Variants in DCHS2 observed in about 807,000 individuals in gnomAD.
DCHS2 encodes the protein dachsous cadherin-related 2.
DCHS2 carries 142 observed loss-of-function variants against 182.4 expected under a neutral mutation model. The ratio of observed to expected loss-of-function variants is 0.78; its 90% CI spans 0.68 to 0.89. The LOEUF is 0.89. Ranked by LOEUF, DCHS2 falls within the 40% of genes least tolerant of loss-of-function variation. The pLI is 0.00. For synonymous variants in DCHS2, 1,740 were observed against 1,663.3 expected (o/e 1.05, Z -1.12); for missense variants, 4,319 against 4,198.6 (o/e 1.03, Z -0.79).
Position 154,447,656 on chromosome 4 carries a change from A to T in DCHS2, c.2052+41648T>A, listed in dbSNP as rs114695746. On this transcript the variant is annotated intron_variant, in intron 1 of 19. Coordinates refer to ENST00000357232, the MANE Select transcript of DCHS2 (RefSeq NM_001358235.2). ...AATCACCTGGAAACTTTATACCATG[A>T]GGTATTCTCAAGAGGGCTTTAATAA... is the stretch of plus-strand genomic sequence containing the variant. 8.2e-3 allele frequency among the ~76,000 whole-genome samples: 1,242 copies of T among 152,296 alleles called. 19 individuals carry two copies. The highest frequency in any genetic ancestry group is 0.054 in the Middle Eastern group (16 of 294).
chr4:154,371,354 T>C (rs183124959), intron 2 of DCHS2, among the ~76,000 whole-genome samples: 1 of 152,222 alleles, frequency 6.6e-6, no homozygotes, highest in East Asian at 1.9e-4. Flanking sequence ...TGTCAGCTTG[T>C]GATTGGTGGA....
intron 14 of DCHS2, among the ~76,000 whole-genome samples, chr4:154,265,592 A>G (rs889089018): frequency 1.2e-4 from 19 of 152,222 alleles, no homozygotes; most frequent in Admixed American, 1.1e-3. Context: ...CAGCCTGGGC[A>G]ACAAAGTGAG....
intron 18 of DCHS2, among the ~76,000 whole-genome samples, chr4:154,239,670 G>C (rs1226426069): frequency 1.3e-5 from 2 of 151,840 alleles, no homozygotes; most frequent in African/African-American, 4.8e-5. Context: ...CACCACACCA[G>C]GCTAATTTTT....
chr4:154,288,450 C>T (rs1734507448), intron 13 of DCHS2, among the ~76,000 whole-genome samples: 1 of 152,036 alleles, frequency 6.6e-6, no homozygotes, highest in Non-Finnish European at 1.5e-5. Flanking sequence ...GAGAGATTGA[C>T]CCCAGTACAA....
At chr4:154,278,456 T>C (rs953218571) in intron 13 of DCHS2, among the ~76,000 whole-genome samples, 1 of 151,802 alleles carries the variant, frequency 6.6e-6, no homozygotes, top group Non-Finnish European at 1.5e-5. Context: ...AAAAGCTTAT[T>C]TGAAGAAACA....
intron 10 of DCHS2, among the ~76,000 whole-genome samples, chr4:154,313,875 G>A (rs555456110): frequency 1.3e-5 from 2 of 152,196 alleles, no homozygotes; most frequent in East Asian, 3.9e-4. Context: ...ATTCTCAGTT[G>A]GCATACCATA....
intron 10 of DCHS2, among the ~76,000 whole-genome samples, chr4:154,313,323 A>C (rs950340546): frequency 3.9e-5 from 6 of 152,092 alleles, no homozygotes; most frequent in Non-Finnish European, 5.9e-5. Context: ...CTTTTGATAC[A>C]AGAAGAAACT....
intron 1 of DCHS2, among the ~76,000 whole-genome samples, chr4:154,474,438 C>T (rs956734416): frequency 1.3e-5 from 2 of 152,156 alleles, no homozygotes; most frequent in Admixed American, 1.3e-4. Context: ...ATGCCCCTTC[C>T]TCAGGGGCAG....
At chr4:154,285,073 G>A (rs780960281) in intron 13 of DCHS2, among the ~76,000 whole-genome samples, 2 of 151,960 alleles carry the variant, frequency 1.3e-5, no homozygotes, top group South Asian at 2.1e-4. Flanking sequence ...GCAGAGTGCT[G>A]AGGCCCCCAT....
chr4:154,350,726 T>C (rs990280644), intron 3 of DCHS2, among the ~76,000 whole-genome samples: 3 of 152,226 alleles, frequency 2.0e-5, no homozygotes, highest in Non-Finnish European at 4.4e-5. Context: ...TTTTTTGCTA[T>C]CAATCTCATC....
Position 154,235,264 on chromosome 4 carries a change from C to T in DCHS2, c.9388G>A (p.Val3130Met), listed in dbSNP as rs1295853341. Residue 3130 changes from valine (V) to methionine (M), a missense_variant, in exon 20 of 20, where the codon GTG (valine) becomes ATG (methionine). Val to Met is a conservative substitution (Grantham distance 21, BLOSUM62 1). Coordinates refer to ENST00000357232, the MANE Select transcript of DCHS2 (RefSeq NM_001358235.2). ...DSALSDHESR[V>M]PDSGIPRDSD... The stretch of plus-strand genomic sequence containing the variant: ...TCCCTCGGGATACCCGAGTCTGGCA[C>T]CCTGGACTCGTGGTCACTCAGAGCT... The T allele has an allele frequency of 1.2e-6, 2 of 1,613,940 alleles. No individual in the cohort carries two copies. Among genetic ancestry groups the T allele is most frequent in the Non-Finnish European group, 1.7e-6 (2 of 1,179,982 alleles).
Sources: allele counts gnomAD v4.1 joint callset (sites outside exome capture counted in the v4.1 genomes callset), GRCh38; gene constraint gnomAD v4.1.1; transcripts MANE v1.5; gene names NCBI Gene and HGNC (gene_info 2026-07-23, HGNC 2026-07-21).